The following IGF1R variants were observed in gnomAD, a reference collection of about 807,000 sequenced individuals.
IGF1R encodes insulin-like growth factor 1 receptor.
IGF1R carries 44 observed loss-of-function variants against 144.6 expected under a neutral mutation model. That is an observed-to-expected ratio of 0.30 (90% CI 0.24 to 0.39). The LOEUF (loss-of-function observed/expected upper bound fraction) is 0.39, where lower values mean the gene tolerates loss of function less well. Among genes scored for constraint, IGF1R ranks in the 10% least tolerant of loss-of-function variants. IGF1R has a pLI of 1.00. For synonymous variants in IGF1R, 795 were observed against 722.8 expected (o/e 1.10, Z -1.60); for missense variants, 1,355 against 1,833.7 (o/e 0.74, Z 4.77).
intron 2 of IGF1R, among the ~76,000 whole-genome samples, chr15:98,802,236 T>C (rs1238676138): frequency 6.6e-6 from 1 of 152,228 alleles, no homozygotes; most frequent in Non-Finnish European, 1.5e-5. Context: ...CGGATCCTGA[T>C]TGTGAAGTCA....
intron 2 of IGF1R, among the ~76,000 whole-genome samples, chr15:98,867,882 G>A (rs1211906135): frequency 6.6e-6 from 1 of 152,154 alleles, no homozygotes; most frequent in Non-Finnish European, 1.5e-5. Context: ...GTTAAGCATA[G>A]CAGTAAAGTT....
chr15:98,920,656 A>G (rs901425909), intron 10 of IGF1R, among the ~76,000 whole-genome samples: 1 of 152,158 alleles, frequency 6.6e-6, no homozygotes, highest in African/African-American at 2.4e-5. Flanking sequence ...ATTGTGGATG[A>G]TCAGCCTCAT....
rs561194526 is a variant in IGF1R at position 98,956,986 on chromosome 15, G to A, written c.3723-75G>A. 79 of 1,521,830 alleles carry A rather than the reference G, an allele frequency of 5.2e-5. 2 individuals are homozygous for A. In the South Asian group the frequency reaches 8.4e-4, roughly 16 times the overall value. The allele number at this position is 1,521,830 out of a possible 1,614,324, so 94.3% of individuals were successfully genotyped here. On this transcript the variant is annotated intron_variant, in intron 20 of 20. Coordinates refer to ENST00000650285, the MANE Select transcript of IGF1R (RefSeq NM_000875.5). ...GTACGCTTGTATGCGGGAAACCACT[G>A]CAGGCGGCCCATGAAGCCTCCTGGC... is the stretch of plus-strand genomic sequence containing the variant.
chr15:98,836,783 A>G (rs1468843342), intron 2 of IGF1R, among the ~76,000 whole-genome samples: 1 of 152,116 alleles, frequency 6.6e-6, no homozygotes, highest in Non-Finnish European at 1.5e-5. Context: ...CATGACCTTG[A>G]TATTTTTGAA....
At chr15:98,653,818 A>G (rs979321283) in intron 1 of IGF1R, among the ~76,000 whole-genome samples, 3 of 152,246 alleles carry the variant, frequency 2.0e-5, no homozygotes, top group African/African-American at 7.2e-5. Flanking sequence ...ATGAAAATCA[A>G]CTGTATCATT....
At chr15:98,766,000 G>A (rs931193286) in intron 2 of IGF1R, among the ~76,000 whole-genome samples, 7 of 152,202 alleles carry the variant, frequency 4.6e-5, no homozygotes, top group African/African-American at 1.2e-4. Context: ...CCAAGGTACC[G>A]TGGGGACCTG....
At chr15:98,703,614 TA>T (rs2053789403) in intron 1 of IGF1R, among the ~76,000 whole-genome samples, 1 of 152,172 alleles carries the variant, frequency 6.6e-6, no homozygotes, top group African/African-American at 2.4e-5. Context: ...TTTTCTTCTA[TA>T]AATGGGAGGA....
At chr15:98,931,237 A>G (rs2015928923) in intron 15 of IGF1R, among the ~76,000 whole-genome samples, 1 of 152,212 alleles carries the variant, frequency 6.6e-6, no homozygotes. Flanking sequence ...GACCGGATTC[A>G]TCAAATGAAT....
chr15:98,756,863 G>GACATTACTT (rs2055168298), intron 2 of IGF1R, among the ~76,000 whole-genome samples: 1 of 152,012 alleles, frequency 6.6e-6, no homozygotes, highest in Non-Finnish European at 1.5e-5. Flanking sequence ...CTTTGATTCT[G>GACATTACTT]ACATTACTTA....
At chr15:98,678,921 CTTTTTTT>C (rs60694188) in intron 1 of IGF1R, among the ~76,000 whole-genome samples, 12 of 130,164 alleles carry the variant, frequency 9.2e-5, no homozygotes, top group South Asian at 2.5e-4. Context: ...CTCTGATGCT[CTTTTTTT>C]TTTTTTTTTT....
intron 2 of IGF1R, among the ~76,000 whole-genome samples, chr15:98,794,518 C>A (rs2056196035): frequency 1.3e-5 from 2 of 152,148 alleles, no homozygotes; most frequent in South Asian, 4.1e-4. Context: ...AGGATGGCCC[C>A]ATTTCTGTTT....
intron 2 of IGF1R, among the ~76,000 whole-genome samples, chr15:98,803,509 T>TATTTA (rs956985731): frequency 1.1e-4 from 17 of 151,448 alleles, no homozygotes; most frequent in Admixed American, 4.0e-4. Context: ...TTTATTTATT[T>TATTTA]ATTTATTTAT....
chr15:98,785,211 A>G (rs768921112), intron 2 of IGF1R, among the ~76,000 whole-genome samples: 4 of 152,218 alleles, frequency 2.6e-5, no homozygotes, highest in Non-Finnish European at 5.9e-5. Context: ...TATTTAGGTA[A>G]TTGAATCTAC....
At chr15:98,708,216 C>T (rs528871954) in intron 2 of IGF1R, 109 bp downstream of exon 2, 12 of 980,046 alleles carry the variant, frequency 1.2e-5, no homozygotes, top group Admixed American at 9.4e-5. Context: ...AGGGTGCAGT[C>T]GTGTTGCATT....
chr15:98,850,401 G>C (rs2011487027), intron 2 of IGF1R, among the ~76,000 whole-genome samples: 1 of 152,182 alleles, frequency 6.6e-6, no homozygotes. Context: ...TCTGGAGACT[G>C]GAATATGTGG....
Position 98,957,426 on chromosome 15 carries a change from A to G in IGF1R, c.4088A>G (p.Gln1363Arg). ...AACGAGCGGGCCTTGCCGCTGCCCC[A>G]GTCTTCGACCTGCTGATCCTTGGAT... is the stretch of plus-strand genomic sequence containing the variant. ...RKNERALPLP[Q>R]SSTC Residue 1363 changes from glutamine (Q) to arginine (R), a missense_variant, in exon 21 of 21, where the codon CAG (glutamine) becomes CGG (arginine). Gln to Arg is a conservative substitution (Grantham distance 43). This residue lies in a region of IGF1R where 219 missense variants were observed against 188.8 expected (regional missense o/e 1.16). Coordinates refer to ENST00000650285, the MANE Select transcript of IGF1R (RefSeq NM_000875.5). The G allele has an allele frequency of 6.2e-7, 1 of 1,613,094 alleles. No homozygotes were observed. Among genetic ancestry groups the G allele is most frequent in the Non-Finnish European group, 8.5e-7 (1 of 1,180,030 alleles).
rs777765504 is a variant in IGF1R, at chr15:98,707,666, G to A, written c.199G>A (p.Ala67Thr). ...CCTCCACATCCTGCTCATCTCCAAG[G>A]CCGAGGACTACCGCAGCTACCGCTT... ...GYLHILLISK[A>T]EDYRSYRFPK... Residue 67 changes from alanine (A) to threonine (T), a missense_variant, in exon 2 of 21, where the codon GCC becomes ACC. Coordinates refer to ENST00000650285, the MANE Select transcript of IGF1R (RefSeq NM_000875.5). The surrounding 1 kb of genome is among the most constrained non-coding windows in gnomAD (Gnocchi z 6.7). 25 of 1,613,992 alleles carry A rather than the reference G, an allele frequency of 1.5e-5. No homozygotes were observed. Among genetic ancestry groups the A allele is most frequent in the Non-Finnish European group, 5.1e-6 (6 of 1,180,020 alleles).
intron 19 of IGF1R, 81 bp from the exon 20 acceptor site, chr15:98,948,493 G>C: frequency 6.9e-7 from 1 of 1,441,844 alleles, no homozygotes; most frequent in Non-Finnish European, 9.8e-7. Context: ...TGCTCGGGAT[G>C]TAAGAAGTGC....
chr15:98,828,160 A>C (rs1394022546), intron 2 of IGF1R, among the ~76,000 whole-genome samples: 1 of 152,206 alleles, frequency 6.6e-6, no homozygotes. Flanking sequence ...AAGACTGCCC[A>C]GTTTGCTTAG....
Sources: allele counts gnomAD v4.1 joint callset (sites outside exome capture counted in the v4.1 genomes callset), GRCh38; gene constraint gnomAD v4.1.1; regional missense constraint gnomAD v4.1.1; non-coding constraint Gnocchi (gnomAD v3.1); transcripts MANE v1.5; gene names NCBI Gene and HGNC (gene_info 2026-07-23, HGNC 2026-07-21).